KLHL29: variants seen among roughly 807,000 people sequenced by gnomAD.
The protein encoded by KLHL29 is kelch like family member 29, also known as kelch-like protein 29.
KLHL29 carries 21 observed loss-of-function variants against 80.4 expected under a neutral mutation model. The ratio of observed to expected loss-of-function variants is 0.26; its 90% CI spans 0.19 to 0.38. KLHL29 has a LOEUF of 0.38. Ranked by LOEUF, KLHL29 falls within the 10% of genes least tolerant of loss-of-function variation. KLHL29 has a pLI of 1.00. For synonymous variants in KLHL29, 511 were observed against 526.8 expected (o/e 0.97, Z 0.41); for missense variants, 867 against 1,223.9 (o/e 0.71, Z 4.35).
At chr2:23,705,173 GCT>G (rs1175162033) in intron 13 of KLHL29, among the ~76,000 whole-genome samples, 4 of 152,226 alleles carry the variant, frequency 2.6e-5, no homozygotes, top group Admixed American at 1.3e-4. Flanking sequence ...TTGGGAGGAT[GCT>G]CGCACCTTCT....
intron 1 of KLHL29, among the ~76,000 whole-genome samples, chr2:23,391,364 G>A (rs1209650020): frequency 6.6e-6 from 1 of 152,210 alleles, no homozygotes; most frequent in Non-Finnish European, 1.5e-5. Context: ...GTGAACAGGA[G>A]TATAAGACAT....
intron 1 of KLHL29, among the ~76,000 whole-genome samples, chr2:23,400,886 T>C (rs1356096493): frequency 6.6e-6 from 1 of 152,184 alleles, no homozygotes; most frequent in Non-Finnish European, 1.5e-5. Context: ...AGATCTGGGC[T>C]CAAACACTAG....
At chr2:23,592,128 G>A (rs533855925) in intron 3 of KLHL29, among the ~76,000 whole-genome samples, 1 of 152,348 alleles carries the variant, frequency 6.6e-6, no homozygotes, top group East Asian at 1.9e-4. Flanking sequence ...GGAAATTAGA[G>A]ACCCTCTGGA....
At chr2:23,507,207 C>G (rs1469611434) in intron 2 of KLHL29, 2 of 317,672 alleles carry the variant, frequency 6.3e-6, no homozygotes, top group South Asian at 2.4e-5. Context: ...ACCCACACAC[C>G]TGTAAGCACC....
chr2:23,658,229 T>A (rs913536820), intron 5 of KLHL29, among the ~76,000 whole-genome samples: 3 of 151,942 alleles, frequency 2.0e-5, no homozygotes, highest in African/African-American at 7.3e-5. Context: ...GCCTCCACCT[T>A]GCGGAGCTCC....
intron 2 of KLHL29, among the ~76,000 whole-genome samples, chr2:23,516,026 A>G (rs947792569): frequency 2.0e-5 from 3 of 152,212 alleles, no homozygotes; most frequent in Non-Finnish European, 2.9e-5. Context: ...GTCAATTTGT[A>G]CAAGCTCTGG....
chr2:23,404,706 A>G (rs947574104), intron 1 of KLHL29, among the ~76,000 whole-genome samples: 7 of 152,248 alleles, frequency 4.6e-5, no homozygotes, highest in Non-Finnish European at 1.0e-4. Context: ...GCTTCCACTT[A>G]ATACGTCCTG....
Position 23,700,715 on chromosome 2 carries a change from C to A in KLHL29, c.2106-2471C>A, listed in dbSNP as rs946607394. The stretch of plus-strand genomic sequence containing the variant: ...AAATTTCTTCCAAAAGAAGTCTACA[C>A]CCACGGTCTCCACTGACACAAATGG... On this transcript the variant is annotated intron_variant, in intron 11 of 13. Transcript: ENST00000486442. The surrounding 1 kb of genome is among the most constrained non-coding windows in gnomAD (Gnocchi z 4.6). 6.6e-6 allele frequency among the ~76,000 whole-genome samples: 1 copy of A among 152,154 alleles called. No homozygotes were observed. Among genetic ancestry groups the A allele is most frequent in the Non-Finnish European group, 1.5e-5 (1 of 68,030 alleles).
At chr2:23,396,018 G>A (rs193250946) in intron 1 of KLHL29, among the ~76,000 whole-genome samples, 1 of 152,358 alleles carries the variant, frequency 6.6e-6, no homozygotes, top group East Asian at 1.9e-4. Context: ...CTGCCTGGAA[G>A]AAACCTAGCT....
chr2:23,465,719 G>T (rs1664332195), intron 1 of KLHL29, among the ~76,000 whole-genome samples: 1 of 152,154 alleles, frequency 6.6e-6, no homozygotes, highest in South Asian at 2.1e-4. Context: ...CCCAAATGAA[G>T]ACATTTGCCC....
chr2:23,642,952 T>C, intron 5 of KLHL29, 102 bp downstream of exon 5: 2 of 1,338,518 alleles, frequency 1.5e-6, no homozygotes, highest in Non-Finnish European at 2.1e-6. Flanking sequence ...TGCCAGCTCC[T>C]TCACTGGCCT....
At position 23,684,388 on chromosome 2, in the gene KLHL29, C is replaced by G; in HGVS notation, c.941-11C>G. ...GGGAACCTGGCCCTGTCTGTCTTCT[C>G]TGTTCTGCAGAAATGTTGAAGGAAT... On this transcript the variant is annotated splice_polypyrimidine_tract_variant and intron_variant, in intron 5 of 13. Coordinates refer to ENST00000486442, the MANE Select transcript of KLHL29 (RefSeq NM_052920.2). The surrounding 1 kb of genome is among the most constrained non-coding windows in gnomAD (Gnocchi z 4.4). 6.7e-7 allele frequency: 1 copy of G among 1,493,210 alleles called. No individual in the cohort carries two copies. The highest frequency in any genetic ancestry group is 8.9e-7 in the Non-Finnish European group (1 of 1,119,566). 92.5% of individuals were successfully genotyped at this position (1,493,210 alleles called of 1,614,324 possible). A position where few individuals can be genotyped will look rare whatever the true frequency, so the allele number is the denominator to read the frequency against.
intron 2 of KLHL29, among the ~76,000 whole-genome samples, chr2:23,557,598 T>G (rs79014604): frequency 0.034 from 5,114 of 152,074 alleles, 298 homozygotes; most frequent in African/African-American, 0.12. Context: ...ACCAGAACTG[T>G]AAGGCGCGGG....
At chr2:23,456,643 G>A (rs544758361) in intron 1 of KLHL29, among the ~76,000 whole-genome samples, 29 of 152,266 alleles carry the variant, frequency 1.9e-4, no homozygotes, top group Non-Finnish European at 3.4e-4. Flanking sequence ...GTAAATGCTC[G>A]CATTGCGTTT....
intron 1 of KLHL29, among the ~76,000 whole-genome samples, chr2:23,405,421 G>T (rs1264280849): frequency 6.6e-6 from 1 of 152,208 alleles, no homozygotes; most frequent in Non-Finnish European, 1.5e-5. Context: ...ACACCAAAAA[G>T]TAGGAAAGAT....
chr2:23,437,120 G>T (rs555408669), intron 1 of KLHL29, among the ~76,000 whole-genome samples: 3 of 152,244 alleles, frequency 2.0e-5, no homozygotes, highest in African/African-American at 7.2e-5. Flanking sequence ...TCAGCGGAAT[G>T]TGTGGGCAAA....
intron 1 of KLHL29, among the ~76,000 whole-genome samples, chr2:23,460,056 C>T (rs1664167836): frequency 6.6e-6 from 1 of 152,192 alleles, no homozygotes; most frequent in African/African-American, 2.4e-5. Context: ...AGTATTTGTT[C>T]AACATACCTA....
chr2:23,698,018 G>GATAA (rs1373463366), intron 11 of KLHL29: 12 of 152,332 alleles, frequency 7.9e-5, no homozygotes, highest in African/African-American at 2.9e-4. Context: ...TTATACTGTT[G>GATAA]ATAAATATAG....
chr2:23,419,102 C>T (rs1436033212), intron 1 of KLHL29, among the ~76,000 whole-genome samples: 1 of 152,168 alleles, frequency 6.6e-6, no homozygotes, highest in Non-Finnish European at 1.5e-5. Context: ...AGTAAATTGT[C>T]CTACTGACTA....
Sources: allele counts gnomAD v4.1 joint callset (sites outside exome capture counted in the v4.1 genomes callset), GRCh38; gene constraint gnomAD v4.1.1; non-coding constraint Gnocchi (gnomAD v3.1); transcripts MANE v1.5; gene names NCBI Gene and HGNC (gene_info 2026-07-23, HGNC 2026-07-21).